CADPS2: variants seen among roughly 807,000 people sequenced by gnomAD.
CADPS2 encodes calcium dependent secretion activator 2, also known as calcium-dependent secretion activator 2.
In CADPS2, 93 loss-of-function variants were observed where a neutral mutation model predicts 172.5. The observed-to-expected ratio is 0.54, with a 90% CI of 0.46 to 0.64. CADPS2 has a LOEUF of 0.64. Ranked by LOEUF, CADPS2 falls within the 30% of genes least tolerant of loss-of-function variation. The pLI, the probability that CADPS2 is intolerant of heterozygous loss-of-function variation, is 0.00. For synonymous variants in CADPS2, 546 were observed against 555.2 expected, an observed-to-expected ratio of 0.98 and a Z score of 0.23; for missense variants, 1,420 against 1,565.9, an observed-to-expected ratio of 0.91 and a Z score of 1.57.
intron 1 of CADPS2, among the ~76,000 whole-genome samples, chr7:122,838,100 C>T (rs1584803530): frequency 6.6e-6 from 1 of 152,172 alleles, no homozygotes; most frequent in African/African-American, 2.4e-5. Context: ...TGGGCTTCAT[C>T]CCTGGGATGC....
At chr7:122,405,508 T>C (rs1201066025) in intron 20 of CADPS2, among the ~76,000 whole-genome samples, 1 of 152,010 alleles carries the variant, frequency 6.6e-6, no homozygotes, top group East Asian at 1.9e-4. Context: ...ACCAAAAATA[T>C]AAAAATTAGC....
At chr7:122,669,556 A>T (rs1353504493) in intron 2 of CADPS2, among the ~76,000 whole-genome samples, 1 of 151,802 alleles carries the variant, frequency 6.6e-6, no homozygotes. Context: ...CCAGAAGGAA[A>T]TGGGCTTTCA....
At chr7:122,610,868 T>G (rs2074207136) in intron 6 of CADPS2, among the ~76,000 whole-genome samples, 1 of 152,090 alleles carries the variant, frequency 6.6e-6, no homozygotes, top group Non-Finnish European at 1.5e-5. Context: ...TTCCAATGGG[T>G]TTCAGAACTG....
intron 1 of CADPS2, among the ~76,000 whole-genome samples, chr7:122,837,227 C>A (rs1048072593): frequency 4.6e-5 from 7 of 152,040 alleles, no homozygotes; most frequent in Non-Finnish European, 2.9e-5. Context: ...TCTTTGAAAC[C>A]AATGAAAACA....
At chr7:122,883,936 A>T (rs1022655961) in intron 1 of CADPS2, among the ~76,000 whole-genome samples, 1 of 152,178 alleles carries the variant, frequency 6.6e-6, no homozygotes, top group Non-Finnish European at 1.5e-5. Flanking sequence ...CCCCAGTAGT[A>T]TTGTGAATGC....
At chr7:122,634,852 CT>C (rs770921469) in intron 3 of CADPS2, among the ~76,000 whole-genome samples, 21 of 152,170 alleles carry the variant, frequency 1.4e-4, no homozygotes, top group Non-Finnish European at 2.9e-4. Flanking sequence ...TAAGTTCTGT[CT>C]CTATTTTCCT....
intron 17 of CADPS2, among the ~76,000 whole-genome samples, chr7:122,424,931 A>T (rs1170174789): frequency 6.6e-6 from 1 of 152,228 alleles, no homozygotes; most frequent in Non-Finnish European, 1.5e-5. Flanking sequence ...ATGATAGCAT[A>T]AAATTTTTCC....
chr7:122,456,524 C>A (rs10258850), intron 14 of CADPS2, among the ~76,000 whole-genome samples: 7,820 of 152,164 alleles, frequency 0.051, 487 homozygotes, highest in African/African-American at 0.15. Flanking sequence ...AATAGATACA[C>A]TTCTTTTAAT....
chr7:122,384,450 C>T (rs532063707), intron 24 of CADPS2, among the ~76,000 whole-genome samples: 2 of 151,878 alleles, frequency 1.3e-5, no homozygotes, highest in East Asian at 3.9e-4. Context: ...AACTTTGTTG[C>T]TTTTTATAAA....
At chr7:122,800,848 G>A (rs770153587) in intron 1 of CADPS2, among the ~76,000 whole-genome samples, 11 of 151,952 alleles carry the variant, frequency 7.2e-5, no homozygotes, top group Non-Finnish European at 1.2e-4. Flanking sequence ...AAAATTAGCC[G>A]GGCGTGGTGG....
intron 9 of CADPS2, among the ~76,000 whole-genome samples, chr7:122,502,846 C>A (rs977789320): frequency 6.6e-6 from 1 of 151,884 alleles, no homozygotes; most frequent in African/African-American, 2.4e-5. Flanking sequence ...GCAATGTGAA[C>A]TGTATTTTTT....
chr7:122,468,556 G>A (rs1563420652), intron 14 of CADPS2, among the ~76,000 whole-genome samples: 1 of 152,102 alleles, frequency 6.6e-6, no homozygotes. Context: ...AAATGGCAAA[G>A]AAAAATATAT....
chr7:122,459,865 T>C (rs1305609553), intron 14 of CADPS2, among the ~76,000 whole-genome samples: 1 of 152,132 alleles, frequency 6.6e-6, no homozygotes, highest in Non-Finnish European at 1.5e-5. Flanking sequence ...GAGTTTATAG[T>C]GGGAAAATGC....
chr7:122,710,055 A>C (rs2088446193), intron 2 of CADPS2, among the ~76,000 whole-genome samples: 1 of 144,370 alleles, frequency 6.9e-6, no homozygotes, highest in Non-Finnish European at 1.5e-5. Flanking sequence ...ATAATAAAAA[A>C]AAAAAAAAAA....
intron 7 of CADPS2, among the ~76,000 whole-genome samples, chr7:122,575,527 C>G (rs2067910919): frequency 6.6e-6 from 1 of 151,636 alleles, no homozygotes; most frequent in Admixed American, 6.6e-5. Flanking sequence ...ACCTCCCCCT[C>G]CAGGGTTCAA....
chr7:122,761,638 A>T (rs2093382237), intron 1 of CADPS2, among the ~76,000 whole-genome samples: 1 of 152,024 alleles, frequency 6.6e-6, no homozygotes, highest in South Asian at 2.1e-4. Flanking sequence ...AAAATACACA[A>T]CAGGAAACAA....
At chr7:122,677,538 G>T (rs1484826167) in intron 2 of CADPS2, among the ~76,000 whole-genome samples, 1 of 152,170 alleles carries the variant, frequency 6.6e-6, no homozygotes, top group Non-Finnish European at 1.5e-5. Flanking sequence ...AGAGTCACAT[G>T]ATAAAAACTG....
At chr7:122,881,482 A>T (rs1009986549) in intron 1 of CADPS2, among the ~76,000 whole-genome samples, 1 of 152,194 alleles carries the variant, frequency 6.6e-6, no homozygotes, top group Admixed American at 6.5e-5. Flanking sequence ...TTACTTTAAT[A>T]CGTGGTTTCC....
At chr7:122,824,445 T>G (rs982512096) in intron 1 of CADPS2, among the ~76,000 whole-genome samples, 7 of 152,222 alleles carry the variant, frequency 4.6e-5, no homozygotes, top group African/African-American at 1.7e-4. Flanking sequence ...ATATTAAACT[T>G]CTGGATTCTT....
Sources: allele counts gnomAD v4.1 joint callset (sites outside exome capture counted in the v4.1 genomes callset), GRCh38; gene constraint gnomAD v4.1.1; transcripts MANE v1.5; gene names NCBI Gene and HGNC (gene_info 2026-07-23, HGNC 2026-07-21).